C10orf67: variants seen among roughly 807,000 people sequenced by gnomAD.
The protein encoded by C10orf67 is uncharacterized protein C10orf67, mitochondrial.
C10orf67 carries 60 observed loss-of-function variants against 35.6 expected under a neutral mutation model. The observed-to-expected ratio is 1.68, with a 90% CI of 1.37 to 2.09. C10orf67 has a LOEUF of 2.09. Among genes scored for constraint, C10orf67 ranks in the 30% most tolerant of loss-of-function variants. The pLI, the probability that C10orf67 is intolerant of heterozygous loss-of-function variation, is 0.00. For missense variants in C10orf67, 474 were observed against 330.2 expected (o/e 1.44, Z -3.38); for synonymous variants, 167 against 115.8 (o/e 1.44, Z -2.84).
intron 1 of C10orf67, among the ~76,000 whole-genome samples, chr10:23,339,341 T>C (rs551704301): frequency 4.1e-4 from 62 of 150,424 alleles, no homozygotes; most frequent in African/African-American, 1.4e-3. Flanking sequence ...CCCAGAGGAT[T>C]CTTTGGGGTG....
intron 1 of C10orf67, among the ~76,000 whole-genome samples, chr10:23,336,883 CA>C (rs1845706326): frequency 6.6e-6 from 1 of 151,912 alleles, no homozygotes; most frequent in Non-Finnish European, 1.5e-5. Flanking sequence ...TGGTTCATTC[CA>C]AGATTGGAAT....
At chr10:23,290,589 A>T (rs1198425647) in intron 6 of C10orf67, among the ~76,000 whole-genome samples, 1 of 152,222 alleles carries the variant, frequency 6.6e-6, no homozygotes. Context: ...TCGGTGATTT[A>T]AACACAACTT....
intron 13 of C10orf67, among the ~76,000 whole-genome samples, chr10:23,233,308 C>T (rs1179850712): frequency 6.6e-6 from 1 of 152,120 alleles, no homozygotes; most frequent in Non-Finnish European, 1.5e-5. Flanking sequence ...AAAAACACAA[C>T]ATACAAATTG....
intron 15 of C10orf67, among the ~76,000 whole-genome samples, chr10:23,204,975 C>A (rs926805535): frequency 1.3e-5 from 2 of 152,190 alleles, no homozygotes; most frequent in African/African-American, 4.8e-5. Context: ...CAAAGCATTG[C>A]AGCCTGCGGT....
chr10:23,254,148 T>C (rs1388940435), intron 10 of C10orf67, among the ~76,000 whole-genome samples: 1 of 152,194 alleles, frequency 6.6e-6, no homozygotes, highest in Non-Finnish European at 1.5e-5. Flanking sequence ...ACTTCCTAAG[T>C]AGGAAAACAC....
chr10:23,276,521 C>T (rs1239356734), intron 8 of C10orf67, among the ~76,000 whole-genome samples: 1 of 151,884 alleles, frequency 6.6e-6, no homozygotes, highest in Non-Finnish European at 1.5e-5. Flanking sequence ...GATCCCTCTC[C>T]CAAGCAATTC....
chr10:23,289,816 C>T lies in C10orf67; in HGVS notation c.909+84G>A, dbSNP rs147565432. ...ATCAACTTTCCTCTATGTCATAAGACACTCTGGACACAGTGTTATTTGGCC... is the reference window on the plus strand; with the variant it reads ...ATCAACTTTCCTCTATGTCATAAGATACTCTGGACACAGTGTTATTTGGCC... On this transcript the variant is annotated intron_variant, in intron 7 of 15. Coordinates refer to ENST00000636213, the MANE Select transcript of C10orf67 (RefSeq NM_001371909.1). The T allele has an allele frequency of 7.3e-4, 494 of 673,378 alleles. 4 individuals are homozygous for T. Among genetic ancestry groups the T allele is most frequent in the African/African-American group, 5.6e-3 (311 of 55,900 alleles). 41.7% of individuals were successfully genotyped at this position (673,378 alleles called of 1,614,324 possible).
chr10:23,215,485 G>C (rs1282854481), intron 15 of C10orf67, among the ~76,000 whole-genome samples: 1 of 151,866 alleles, frequency 6.6e-6, no homozygotes, highest in African/African-American at 2.4e-5. Context: ...GTAGAGATAG[G>C]GTTTCACCAT....
At chr10:23,327,628 C>G (rs991967745) in intron 2 of C10orf67, among the ~76,000 whole-genome samples, 5 of 152,110 alleles carry the variant, frequency 3.3e-5, no homozygotes, top group African/African-American at 1.2e-4. Context: ...AGTTTGAGAC[C>G]AGCCTGGCCA....
At chr10:23,249,172 C>T (rs1043728835) in intron 12 of C10orf67, among the ~76,000 whole-genome samples, 4 of 134,304 alleles carry the variant, frequency 3.0e-5, no homozygotes, top group Admixed American at 1.5e-4. Flanking sequence ...AAAACTGATA[C>T]GTTCTTGTAA....
intron 10 of C10orf67, among the ~76,000 whole-genome samples, chr10:23,257,379 G>C (rs1842629838): frequency 6.6e-6 from 1 of 152,194 alleles, no homozygotes; most frequent in South Asian, 2.1e-4. Context: ...GCATGGATAA[G>C]AGCATAGAGG....
chr10:23,289,833 TA>T, intron 7 of C10orf67, 66 bp downstream of exon 7: 1 of 704,716 alleles, frequency 1.4e-6, no homozygotes, highest in East Asian at 2.7e-5. Flanking sequence ...GACACAGTGT[TA>T]TTTGGCCAAT....
At chr10:23,272,696 G>T (rs1423100915) in intron 8 of C10orf67, among the ~76,000 whole-genome samples, 2 of 152,112 alleles carry the variant, frequency 1.3e-5, no homozygotes, top group East Asian at 3.8e-4. Flanking sequence ...TAAATTTTAG[G>T]ATAGGCTTGT....
At chr10:23,280,717 G>A (rs1258965651) in intron 8 of C10orf67, among the ~76,000 whole-genome samples, 3 of 152,104 alleles carry the variant, frequency 2.0e-5, no homozygotes, top group Non-Finnish European at 2.9e-5. Context: ...GTTCCCCTGT[G>A]AGCAATACAA....
At chr10:23,323,180 A>G (rs1845026747) in intron 2 of C10orf67, among the ~76,000 whole-genome samples, 1 of 152,236 alleles carries the variant, frequency 6.6e-6, no homozygotes, top group Admixed American at 6.5e-5. Context: ...TATAGTTCTC[A>G]AGATGTGGAT....
At chr10:23,291,080 T>C in intron 6 of C10orf67, 52 bp downstream of exon 6, 1 of 670,426 alleles carries the variant, frequency 1.5e-6, no homozygotes, top group Non-Finnish European at 2.7e-6. Flanking sequence ...TTATGAGCTT[T>C]ACAAAGTGAC....
intron 8 of C10orf67, among the ~76,000 whole-genome samples, chr10:23,271,795 A>G (rs529693317): frequency 5.3e-5 from 8 of 152,352 alleles, no homozygotes; most frequent in Admixed American, 1.3e-4. Flanking sequence ...ACATTGTAAG[A>G]GTTCTTTGCA....
Position 23,217,931 on chromosome 10 carries a change from T to C in C10orf67, c.1570+5667A>G, listed in dbSNP as rs568478528. ...GCCTATTTATTTCAAAGATTAACACTGTATTTTCAAAGCATATGGGTTGCC... is the reference window on the plus strand; with the variant it reads ...GCCTATTTATTTCAAAGATTAACACCGTATTTTCAAAGCATATGGGTTGCC... On this transcript the variant is annotated intron_variant, in intron 15 of 15. Coordinates refer to ENST00000636213, the MANE Select transcript of C10orf67 (RefSeq NM_001371909.1). 1.2e-4 allele frequency among the ~76,000 whole-genome samples: 18 copies of C among 152,338 alleles called. No individual in the cohort carries two copies. In the East Asian group the frequency reaches 3.3e-3, roughly 28 times the overall value.
chr10:23,320,674 C>T, intron 4 of C10orf67, 67 bp downstream of exon 4: 3 of 1,233,942 alleles, frequency 2.4e-6, no homozygotes, highest in Non-Finnish European at 3.5e-6. Context: ...AGGTGATCCC[C>T]ACTCCTTGCA....
Sources: allele counts gnomAD v4.1 joint callset (sites outside exome capture counted in the v4.1 genomes callset), GRCh38; gene constraint gnomAD v4.1.1; transcripts MANE v1.5; gene names NCBI Gene and HGNC (gene_info 2026-07-23, HGNC 2026-07-21).